Variants in SLC36A1 observed in about 807,000 individuals in gnomAD.
The protein encoded by SLC36A1 is proton-coupled amino acid transporter 1.
SLC36A1 carries 30 observed loss-of-function variants against 47.5 expected under a neutral mutation model. That is an observed-to-expected ratio of 0.63 (90% CI 0.47 to 0.86). The LOEUF (loss-of-function observed/expected upper bound fraction) is 0.86, where lower values mean the gene tolerates loss of function less well. SLC36A1 is among the 40% of genes least tolerant of loss of function. SLC36A1 has a pLI of 0.00. For missense variants in SLC36A1, 517 were observed against 606.0 expected (o/e 0.85, Z 1.54); for synonymous variants, 255 against 249.7 (o/e 1.02, Z -0.20).
At chr5:151,369,428 T>G in the SLC36A1 span, among the ~76,000 whole-genome samples, 1 of 152,234 alleles carries the variant, frequency 6.6e-6, no homozygotes, top group Admixed American at 6.5e-5. Flanking sequence ...AATTCGTGCA[T>G]TAGATCTTCA....
chr5:151,487,314 T>A (rs1016565172), intron 10 of SLC36A1, among the ~76,000 whole-genome samples: 2 of 152,240 alleles, frequency 1.3e-5, no homozygotes, highest in Non-Finnish European at 2.9e-5. Flanking sequence ...CCTGCGGCAG[T>A]GCACCATTGG....
chr5:151,482,181 C>T (rs1011721366), intron 10 of SLC36A1, among the ~76,000 whole-genome samples: 3 of 152,214 alleles, frequency 2.0e-5, no homozygotes, highest in Non-Finnish European at 4.4e-5. Context: ...AACAGAGTAG[C>T]TTCTTAGTAC....
At chr5:151,432,681 C>G (rs1269509899), upstream of SLC36A1, among the ~76,000 whole-genome samples, 1 of 152,162 alleles carries the variant, frequency 6.6e-6, no homozygotes, top group Non-Finnish European at 1.5e-5. Context: ...ACCAGATGAA[C>G]TCTTTAAATG....
At chr5:151,524,730 G>C in the SLC36A1 span, among the ~76,000 whole-genome samples, 1 of 152,060 alleles carries the variant, frequency 6.6e-6, no homozygotes, top group South Asian at 2.1e-4. Flanking sequence ...TCCCACCCCT[G>C]CTCATGATGT....
chr5:151,452,518 A>G (rs1177568382), intron 1 of SLC36A1: 1 of 152,238 alleles, frequency 6.6e-6, no homozygotes, highest in Non-Finnish European at 1.5e-5. Context: ...ACCTATCATA[A>G]TAAGATCATA....
At chr5:151,464,409 T>A in intron 3 of SLC36A1, 105 bp from the exon 4 acceptor site, 2 of 961,046 alleles carry the variant, frequency 2.1e-6, no homozygotes, top group Non-Finnish European at 3.2e-6. Context: ...CACTGAAAAC[T>A]GCCTTAGTAG....
At chr5:151,473,502 A>G (rs1757612143) in intron 7 of SLC36A1, among the ~76,000 whole-genome samples, 171 bp from the exon 8 acceptor site, 1 of 152,208 alleles carries the variant, frequency 6.6e-6, no homozygotes, top group African/African-American at 2.4e-5. Context: ...CTGAAGAGAA[A>G]AACATACAAA....
At chr5:151,532,005 G>A in the SLC36A1 span, 2 of 1,607,984 alleles carry the variant, frequency 1.2e-6, no homozygotes, top group Non-Finnish European at 1.7e-6. Flanking sequence ...TCCACACTGA[G>A]GGCGCCTCCT....
At chr5:151,531,590 T>G in the SLC36A1 span, 1 of 1,612,236 alleles carries the variant, frequency 6.2e-7, no homozygotes. The surrounding 1 kb of genome is among the most constrained non-coding windows in gnomAD (Gnocchi z 5.7). Flanking sequence ...CTCTCACCTG[T>G]GCGAGCATCC....
At chr5:151,472,294 C>T (rs1757421195) in intron 7 of SLC36A1, among the ~76,000 whole-genome samples, 1 of 152,252 alleles carries the variant, frequency 6.6e-6, no homozygotes, top group Non-Finnish European at 1.5e-5. Flanking sequence ...CTAAGCCAGT[C>T]TAGCCTTTTC....
chr5:151,512,537 G>T, the SLC36A1 span: 7 of 1,614,016 alleles, frequency 4.3e-6, no homozygotes, highest in African/African-American at 2.7e-5. The surrounding 1 kb of genome is among the most constrained non-coding windows in gnomAD (Gnocchi z 4.1). Context: ...TTCACATGGC[G>T]CTGGGAGGAA....
At chr5:151,449,526 G>T (rs149767496) in intron 1 of SLC36A1, among the ~76,000 whole-genome samples, 1 of 152,294 alleles carries the variant, frequency 6.6e-6, no homozygotes, top group East Asian at 1.9e-4. Context: ...TCCCTTTAAG[G>T]CATGTAGCTG....
the SLC36A1 span, among the ~76,000 whole-genome samples, chr5:151,500,495 G>A: frequency 0.015 from 2,220 of 152,264 alleles, 54 homozygotes; most frequent in African/African-American, 0.049. Context: ...AGCCTCCTGA[G>A]TAGCTGGGAT....
At chr5:151,475,312 C>T (rs1404974116) in intron 8 of SLC36A1, among the ~76,000 whole-genome samples, 1 of 152,238 alleles carries the variant, frequency 6.6e-6, no homozygotes, top group Non-Finnish European at 1.5e-5. Context: ...CTTTCCCTAA[C>T]AGCACAGCGC....
chr5:151,523,018 G>T, the SLC36A1 span, among the ~76,000 whole-genome samples: 1 of 152,146 alleles, frequency 6.6e-6, no homozygotes, highest in African/African-American at 2.4e-5. Context: ...GACTTAGAAA[G>T]GACAGGCTTG....
chr5:151,507,076 G>A, the SLC36A1 span: 1 of 1,299,012 alleles, frequency 7.7e-7, no homozygotes, highest in Non-Finnish European at 1.1e-6. Context: ...AAATGCCTGT[G>A]CCTCAGATAA....
At chr5:151,543,458 C>A in the SLC36A1 span, 1 of 1,614,146 alleles carries the variant, frequency 6.2e-7, no homozygotes, top group Non-Finnish European at 8.5e-7. Context: ...CGAGCCATGA[C>A]CTTAATAGCA....
chr5:151,376,381 T>C, the SLC36A1 span, among the ~76,000 whole-genome samples: 1 of 152,208 alleles, frequency 6.6e-6, no homozygotes, highest in Non-Finnish European at 1.5e-5. Context: ...TTTTGTTTTG[T>C]TGATCCTTTT....
Position 151,447,680 on chromosome 5 carries a change from C to G in SLC36A1, c.-139C>G, listed in dbSNP as rs889135515. The G allele has an allele frequency of 1.2e-4, 19 of 153,078 alleles. No individual in the cohort carries two copies. Among genetic ancestry groups the G allele is most frequent in the Admixed American group, 4.6e-4 (7 of 15,300 alleles). 9.5% of individuals were successfully genotyped at this position (153,078 alleles called of 1,614,324 possible). A position where few individuals can be genotyped will look rare whatever the true frequency, so the allele number is the denominator to read the frequency against. On this transcript the variant is annotated 5_prime_UTR_variant, in exon 1 of 11. Coordinates refer to ENST00000243389, the MANE Select transcript of SLC36A1 (RefSeq NM_078483.4). Reference sequence around the variant, plus strand: ...CTGAACCCGGGAAGGGTGGGCTGTGCTGAAGCCAGAGCCGGAGCCGGAGCT... The same window carrying G: ...CTGAACCCGGGAAGGGTGGGCTGTGGTGAAGCCAGAGCCGGAGCCGGAGCT...
Sources: allele counts gnomAD v4.1 joint callset (sites outside exome capture counted in the v4.1 genomes callset), GRCh38; gene constraint gnomAD v4.1.1; non-coding constraint Gnocchi (gnomAD v3.1); transcripts MANE v1.5; gene names NCBI Gene and HGNC (gene_info 2026-07-23, HGNC 2026-07-21).